GABRA1: variants seen among roughly 807,000 people sequenced by gnomAD.
GABRA1 encodes gamma-aminobutyric acid type A receptor subunit alpha1, also known as gamma-aminobutyric acid receptor subunit alpha-1.
In GABRA1, 9 loss-of-function variants were observed where a neutral mutation model predicts 48.9. That is an observed-to-expected ratio of 0.18 (90% CI 0.11 to 0.32). GABRA1 has a LOEUF of 0.32. Ranked by LOEUF, GABRA1 falls within the 10% of genes least tolerant of loss-of-function variation. GABRA1 has a pLI of 1.00. For synonymous variants in GABRA1, 210 were observed against 198.7 expected (o/e 1.06, Z -0.48); for missense variants, 285 against 553.8 (o/e 0.51, Z 4.87).
chr5:161,866,776 G>C (rs1753878786), intron 4 of GABRA1, among the ~76,000 whole-genome samples: 2 of 152,116 alleles, frequency 1.3e-5, no homozygotes, highest in South Asian at 4.1e-4. Context: ...ATTCTGTGAA[G>C]TGAACGTTGG....
intron 8 of GABRA1, among the ~76,000 whole-genome samples, chr5:161,891,741 C>A (rs1252790445): frequency 6.6e-6 from 1 of 152,074 alleles, no homozygotes; most frequent in Non-Finnish European, 1.5e-5. Flanking sequence ...ACTATTTCAA[C>A]TGTATTTTTC....
intron 6 of GABRA1, among the ~76,000 whole-genome samples, chr5:161,878,664 G>T (rs1561578180): frequency 6.6e-6 from 1 of 152,138 alleles, no homozygotes; most frequent in Admixed American, 6.6e-5. Context: ...TATGGATAAA[G>T]CTCTCTTTAT....
At chr5:161,848,896 G>A in intron 1 of GABRA1, 1 of 445,810 alleles carries the variant, frequency 2.2e-6, no homozygotes, top group South Asian at 1.6e-5. Flanking sequence ...TCCTAGGGAA[G>A]GCACGCTCTT....
intron 7 of GABRA1, among the ~76,000 whole-genome samples, chr5:161,885,370 T>C (rs972680458): frequency 3.9e-5 from 6 of 152,176 alleles, no homozygotes; most frequent in Admixed American, 1.3e-4. Context: ...ATTACCTTCC[T>C]GTTTCTGTCA....
chr5:161,854,069 G>T (rs1757550270), intron 2 of GABRA1, 89 bp from the exon 3 acceptor site: 1 of 687,456 alleles, frequency 1.5e-6, no homozygotes, highest in Admixed American at 2.5e-5. Flanking sequence ...AGAAACCAAA[G>T]TAGAAAAACT....
chr5:161,848,923 T>A (rs1757328429), intron 1 of GABRA1: 1 of 454,068 alleles, frequency 2.2e-6, no homozygotes, highest in African/African-American at 2.0e-5. Context: ...GCTGCAAAAT[T>A]GCCTGTTTTT....
chr5:161,884,799 C>T (rs1173653500), intron 7 of GABRA1, among the ~76,000 whole-genome samples: 2 of 152,136 alleles, frequency 1.3e-5, no homozygotes, highest in African/African-American at 4.8e-5. Flanking sequence ...AATATTCCTG[C>T]TCTAATTTTA....
At chr5:161,883,478 C>T (rs1010868242) in intron 7 of GABRA1, among the ~76,000 whole-genome samples, 8 of 152,088 alleles carry the variant, frequency 5.3e-5, no homozygotes, top group African/African-American at 1.7e-4. Context: ...TTTGTACTAT[C>T]TGAAATGTGA....
At chr5:161,870,606 A>G (rs549033048) in intron 4 of GABRA1, among the ~76,000 whole-genome samples, 258 of 131,588 alleles carry the variant, frequency 2.0e-3, no homozygotes, top group Middle Eastern at 0.012. Flanking sequence ...AGAAAGAAAG[A>G]AAGGAAGAAA....
At chr5:161,884,708 TG>T (rs912472309) in intron 7 of GABRA1, among the ~76,000 whole-genome samples, 1 of 152,158 alleles carries the variant, frequency 6.6e-6, no homozygotes, top group Non-Finnish European at 1.5e-5. Flanking sequence ...GAAAGGAAGT[TG>T]GAGAATGTTG....
chr5:161,895,440 G>A (rs1755318327), intron 8 of GABRA1, among the ~76,000 whole-genome samples: 2 of 152,082 alleles, frequency 1.3e-5, no homozygotes, highest in Admixed American at 6.6e-5. Flanking sequence ...CAATAGCAGA[G>A]CAATTTATTC....
intron 3 of GABRA1, among the ~76,000 whole-genome samples, chr5:161,861,944 C>T (rs1174720855): frequency 6.6e-6 from 1 of 151,900 alleles, no homozygotes; most frequent in Non-Finnish European, 1.5e-5. Flanking sequence ...AGACCTCCAT[C>T]ATCAGTTATG....
At chr5:161,889,539 G>C (rs1443503405) in intron 7 of GABRA1, among the ~76,000 whole-genome samples, 1 of 152,060 alleles carries the variant, frequency 6.6e-6, no homozygotes, top group African/African-American at 2.4e-5. Flanking sequence ...CCAACCTATA[G>C]ATGAGCAAAA....
At chr5:161,895,452 T>C (rs1012913666) in intron 8 of GABRA1, among the ~76,000 whole-genome samples, 1 of 152,148 alleles carries the variant, frequency 6.6e-6, no homozygotes, top group Non-Finnish European at 1.5e-5. Flanking sequence ...AATTTATTCC[T>C]ACAAGATATC....
chr5:161,863,803 G>A lies in GABRA1; in HGVS notation c.188-1918G>A, dbSNP rs1171959677. Reference sequence around the variant, plus strand: ...TTATATAGTTATATACGCCTCAAGCGTACCCTACAGCTTTTGAAATATCTT... The same window carrying A: ...TTATATAGTTATATACGCCTCAAGCATACCCTACAGCTTTTGAAATATCTT... On this transcript the variant is annotated intron_variant, in intron 3 of 9. Transcript: ENST00000393943. 2.6e-5 allele frequency among the ~76,000 whole-genome samples: 4 copies of A among 151,452 alleles called. No homozygotes were observed. In the East Asian group the frequency reaches 5.9e-4, roughly 22 times the overall value.
intron 7 of GABRA1, among the ~76,000 whole-genome samples, chr5:161,888,617 A>C (rs1259263186): frequency 6.6e-6 from 1 of 152,080 alleles, no homozygotes; most frequent in Non-Finnish European, 1.5e-5. Flanking sequence ...GACATTTTGC[A>C]GGCTGCAGTT....
intron 7 of GABRA1, 148 bp downstream of exon 7, chr5:161,882,849 C>G: frequency 1.3e-6 from 1 of 794,368 alleles, no homozygotes; most frequent in Non-Finnish European, 2.1e-6. Context: ...AATGTAAACT[C>G]GGTAGACCTG....
chr5:161,884,310 A>G (rs1754743942), intron 7 of GABRA1, among the ~76,000 whole-genome samples: 1 of 152,158 alleles, frequency 6.6e-6, no homozygotes. Context: ...CAGTCACTAC[A>G]GATTAAATGA....
upstream of GABRA1, chr5:161,848,103 T>A (rs1757277696): frequency 6.6e-6 from 1 of 152,200 alleles, no homozygotes; most frequent in Admixed American, 6.5e-5. Flanking sequence ...AAAATCTCTC[T>A]GGCATGAAGT....
Sources: allele counts gnomAD v4.1 joint callset (sites outside exome capture counted in the v4.1 genomes callset), GRCh38; gene constraint gnomAD v4.1.1; transcripts MANE v1.5; gene names NCBI Gene and HGNC (gene_info 2026-07-23, HGNC 2026-07-21).